Variants in SEMA6D observed in about 807,000 individuals in gnomAD.
SEMA6D encodes the protein semaphorin-6D.
SEMA6D carries 35 observed loss-of-function variants against 106.6 expected under a neutral mutation model. The observed-to-expected ratio is 0.33, with a 90% CI of 0.25 to 0.44. The LOEUF is 0.44. Ranked by LOEUF, SEMA6D falls within the 20% of genes least tolerant of loss-of-function variation. The pLI is 1.00. For missense variants in SEMA6D, 1,185 were observed against 1,345.9 expected (o/e 0.88, Z 1.87); for synonymous variants, 499 against 487.7 (o/e 1.02, Z -0.31).
chr15:47,356,346 TAG>T (rs1012837127), intron 1 of SEMA6D, among the ~76,000 whole-genome samples: 2 of 152,126 alleles, frequency 1.3e-5, no homozygotes, highest in African/African-American at 4.8e-5. Flanking sequence ...TTCAACAATC[TAG>T]AGACTATGTG....
At chr15:47,231,654 A>G (rs940544419) in intron 1 of SEMA6D, among the ~76,000 whole-genome samples, 3 of 151,978 alleles carry the variant, frequency 2.0e-5, no homozygotes, top group Non-Finnish European at 2.9e-5. Flanking sequence ...GCATAGGACA[A>G]TTCTTCTATT....
chr15:47,767,290 C>T (rs1241617894), intron 17 of SEMA6D, 197 bp downstream of exon 17: 7 of 448,956 alleles, frequency 1.6e-5, no homozygotes, highest in Non-Finnish European at 2.8e-5. Flanking sequence ...AACACTTCAT[C>T]ATTGACCAAG....
At chr15:47,639,407 T>C (rs2077449842) in intron 4 of SEMA6D, among the ~76,000 whole-genome samples, 1 of 152,170 alleles carries the variant, frequency 6.6e-6, no homozygotes, top group Admixed American at 6.6e-5. Context: ...CATAAAATGA[T>C]TGAATACATT....
At chr15:47,265,439 A>G (rs1449603551) in intron 1 of SEMA6D, among the ~76,000 whole-genome samples, 1 of 151,912 alleles carries the variant, frequency 6.6e-6, no homozygotes, top group Non-Finnish European at 1.5e-5. Flanking sequence ...ATTTTTAAAA[A>G]TAATTTATAT....
chr15:47,688,905 G>A (rs1451934759), intron 4 of SEMA6D, among the ~76,000 whole-genome samples: 3 of 152,160 alleles, frequency 2.0e-5, no homozygotes, highest in South Asian at 2.1e-4. Context: ...AAAAAATGAG[G>A]GCTTTCAGGG....
At position 47,270,689 on chromosome 15, in the gene SEMA6D, C is replaced by T. The variant is rs372285914; in HGVS notation, c.-239+86271C>T. Among the ~76,000 whole-genome samples the T allele has an allele frequency of 2.6e-5, 4 of 152,212 alleles. No homozygotes were observed. The Middle Eastern group carries it at 0.01, about 388-fold the overall frequency. On this transcript the variant is annotated intron_variant, in intron 1 of 19. Transcript: ENST00000558014. The stretch of plus-strand genomic sequence containing the variant: ...TTCATCTATGAATGGATCAACCCAT[C>T]GTTTTAAAAAATATATATTACAGGC...
At chr15:47,314,597 C>CAAAAAAGAAAAAAA (rs2036573602) in intron 1 of SEMA6D, among the ~76,000 whole-genome samples, 1 of 24,302 alleles carries the variant, frequency 4.1e-5, no homozygotes, top group Admixed American at 5.8e-4. Flanking sequence ...GACTCCATCT[C>CAAAAAAGAAAAAAA]AAAAAAAAAA....
rs2077349393 is a variant in SEMA6D, at chr15:47,634,632, G to C, written c.-55+33736G>C. On this transcript the variant is annotated intron_variant, in intron 4 of 19. Coordinates refer to the SEMA6D transcript ENST00000558014. ...GACAGGGGAACAGAAATATCAACTG[G>C]GCTTATTCAGTGTCATTGTTTCAGG... Among the ~76,000 whole-genome samples the C allele has an allele frequency of 5.3e-5, 8 of 152,144 alleles. No homozygotes were observed. The South Asian group carries it at 1.7e-3, about 32-fold the overall frequency.
In SEMA6D at chr15:47,730,917, CCTT is replaced by C. The variant is rs994371980; in HGVS notation, c.-55+13229_-55+13231del. On this transcript the variant is annotated intron_variant, in intron 1 of 18. Coordinates refer to ENST00000536845, the MANE Select transcript of SEMA6D (RefSeq NM_001358351.3). Reference sequence around the variant, plus strand: ...GCCGGAGCCACCTTCTTTCCCTTGGCCTTCTTTCCTTTCAGCATCTTGGGCAGC... The same window carrying C: ...GCCGGAGCCACCTTCTTTCCCTTGGCCTTTCCTTTCAGCATCTTGGGCAGC... 6.9e-5 allele frequency: 55 copies of C among 794,272 alleles called. No homozygotes were observed. In the African/African-American group the frequency reaches 8.1e-4, roughly 12 times the overall value. 49.2% of individuals were successfully genotyped at this position (794,272 alleles called of 1,614,324 possible).
intron 3 of SEMA6D, among the ~76,000 whole-genome samples, chr15:47,578,861 A>G (rs1322397405): frequency 4.6e-5 from 7 of 152,244 alleles, no homozygotes; most frequent in Non-Finnish European, 1.5e-5. Context: ...AGTTGGGATT[A>G]AGGATACTTG....
At chr15:47,276,605 G>A (rs777997458) in intron 1 of SEMA6D, among the ~76,000 whole-genome samples, 1 of 152,224 alleles carries the variant, frequency 6.6e-6, no homozygotes, top group Admixed American at 6.6e-5. Context: ...CTATTGTGAA[G>A]ACCTACTGCT....
At chr15:47,578,539 C>T (rs1003331299) in intron 3 of SEMA6D, among the ~76,000 whole-genome samples, 2 of 152,142 alleles carry the variant, frequency 1.3e-5, no homozygotes, top group African/African-American at 4.8e-5. Flanking sequence ...TAATAGAAAA[C>T]GTATAATAAC....
intron 1 of SEMA6D, among the ~76,000 whole-genome samples, chr15:47,256,731 C>T (rs1209624155): frequency 3.3e-5 from 5 of 151,956 alleles, no homozygotes; most frequent in South Asian, 2.1e-4. Context: ...TGGTGGTGCA[C>T]GCCTATAATC....
chr15:47,651,209 AG>A (rs1368694368), intron 4 of SEMA6D, among the ~76,000 whole-genome samples: 6 of 152,226 alleles, frequency 3.9e-5, no homozygotes, highest in Admixed American at 3.9e-4. Context: ...CAGGAATATG[AG>A]ACCAGCCTGA....
chr15:47,763,861 C>T lies in SEMA6D; in HGVS notation c.759C>T (p.Ser253=). The T allele has an allele frequency of 6.2e-7, 1 of 1,612,930 alleles. No individual in the cohort carries two copies. Among genetic ancestry groups the T allele is most frequent in the Non-Finnish European group, 8.5e-7 (1 of 1,179,822 alleles). Residue 253 remains serine, a synonymous_variant, in exon 10 of 19, where the codon TCC becomes TCT. Transcript: ENST00000536845. ...EHNNLGKAVY[S]RVARICKNDM... Reference sequence around the variant, plus strand: ...TATCCGTTGGGCAGGCTGTGTATTCCCGCGTGGCCCGCATATGTAAAAACG... The same window carrying T: ...TATCCGTTGGGCAGGCTGTGTATTCTCGCGTGGCCCGCATATGTAAAAACG...
chr15:47,453,029 G>T (rs2042238792), intron 2 of SEMA6D, among the ~76,000 whole-genome samples: 1 of 151,832 alleles, frequency 6.6e-6, no homozygotes, highest in Non-Finnish European at 1.5e-5. Flanking sequence ...AAAAGAAAAA[G>T]TAAAGCTCAT....
rs553950160 is a variant in SEMA6D, at chr15:47,773,791, A to C, written c.*2006A>C. The C allele has an allele frequency of 7.2e-5, 11 of 152,734 alleles. No homozygotes were observed. The highest frequency in any genetic ancestry group is 2.6e-4 in the African/African-American group (11 of 41,582). The allele number at this position is 152,734 out of a possible 1,614,324, so 9.5% of individuals were successfully genotyped here. ...TAATAAATTAAACCAACCAATGATAAACACTACTCAGTCCACCAACAACAA... is the reference window on the plus strand; with the variant it reads ...TAATAAATTAAACCAACCAATGATACACACTACTCAGTCCACCAACAACAA... On this transcript the variant is annotated 3_prime_UTR_variant, in exon 19 of 19. Coordinates refer to ENST00000536845, the MANE Select transcript of SEMA6D (RefSeq NM_001358351.3).
At chr15:47,699,079 T>C (rs1225118038) in intron 4 of SEMA6D, among the ~76,000 whole-genome samples, 1 of 152,220 alleles carries the variant, frequency 6.6e-6, no homozygotes, top group Admixed American at 6.5e-5. Flanking sequence ...ATATTAATTA[T>C]CTATACTCTT....
intron 3 of SEMA6D, among the ~76,000 whole-genome samples, chr15:47,472,791 T>C (rs1283657965): frequency 6.6e-6 from 1 of 151,998 alleles, no homozygotes; most frequent in African/African-American, 2.4e-5. Flanking sequence ...ATGTGGAAAA[T>C]ATTGATTTGA....
Sources: gnomAD v4.1 joint callset for allele counts (sites outside exome capture counted in the v4.1 genomes callset) on GRCh38, gnomAD v4.1.1 for gene constraint, MANE v1.5 for transcripts, NCBI Gene and HGNC (gene_info 2026-07-23, HGNC 2026-07-21) for gene names.